Variants in GORASP1 observed in about 807,000 individuals in gnomAD.
GORASP1 encodes golgi reassembly stacking protein 1.
GORASP1 carries 31 observed loss-of-function variants against 37.7 expected under a neutral mutation model. The ratio of observed to expected loss-of-function variants is 0.82; its 90% CI spans 0.62 to 1.11. The LOEUF (loss-of-function observed/expected upper bound fraction) is 1.11, where lower values mean the gene tolerates loss of function less well. Ranked by LOEUF, GORASP1 falls within the 50% of genes least tolerant of loss-of-function variation. GORASP1 has a pLI of 0.00. For missense variants in GORASP1, 476 were observed against 560.7 expected (o/e 0.85, Z 1.53); for synonymous variants, 204 against 224.8 (o/e 0.91, Z 0.83).
chr3:39,101,894 TG>T (rs1193570870), intron 3 of GORASP1, among the ~76,000 whole-genome samples: 1 of 152,192 alleles, frequency 6.6e-6, no homozygotes, highest in African/African-American at 2.4e-5. Flanking sequence ...GCACAGGTGT[TG>T]GGTGTGCATG....
In GORASP1 at chr3:39,102,554, G is replaced by A. The variant is rs1019524578; in HGVS notation, c.348+124C>T. 4.4e-6 allele frequency: 4 copies of A among 918,016 alleles called. No homozygotes were observed. The African/African-American group carries it at 4.9e-5, about 11-fold the overall frequency. The allele number at this position is 918,016 out of a possible 1,614,324, so 56.9% of individuals were successfully genotyped here. ...CCACATCCTGCCCTCAGTCTTCCCTGGCCACTGCTCCAAGGCTCCCACTCC... is the reference window on the plus strand; with the variant it reads ...CCACATCCTGCCCTCAGTCTTCCCTAGCCACTGCTCCAAGGCTCCCACTCC... On this transcript the variant is annotated intron_variant, in intron 3 of 8. Transcript: ENST00000319283. This position sits in a 1 kb window ranked among gnomAD's most constrained non-coding sequence, Gnocchi z 5.0.
In GORASP1 at chr3:39,105,274, C is replaced by T. The variant is rs969247270; in HGVS notation, c.64-1721G>A. Among the ~76,000 whole-genome samples the T allele has an allele frequency of 6.6e-6, 1 of 152,066 alleles. No individual in the cohort carries two copies. Among genetic ancestry groups the T allele is most frequent in the African/African-American group, 2.4e-5 (1 of 41,416 alleles). On this transcript the variant is annotated intron_variant, in intron 1 of 8. Transcript: ENST00000319283. The surrounding 1 kb of genome is among the most constrained non-coding windows in gnomAD (Gnocchi z 5.4). ...ACCACTGCCTGCCATCCAGCTCCCT[C>T]AGGGGCTCCCATCACAGCCTGCCCC...
chr3:39,099,276 TG>T, intron 7 of GORASP1, 76 bp downstream of exon 7: 1 of 1,535,490 alleles, frequency 6.5e-7, no homozygotes, highest in Non-Finnish European at 9.0e-7. Flanking sequence ...CAGCAAGGCC[TG>T]GGGAAAGTTT....
Position 39,103,738 on chromosome 3 carries a change from T to C in GORASP1, c.64-185A>G. ...CTTGCTACCTTCCTGGGCACAAATT[T>C]TCCTCTTAGGAAAATGGCTCCTTCC... is the stretch of plus-strand genomic sequence containing the variant. On this transcript the variant is annotated intron_variant, in intron 1 of 8. Transcript: ENST00000319283. This position sits in a 1 kb window ranked among gnomAD's most constrained non-coding sequence, Gnocchi z 5.2. The C allele has an allele frequency of 4.0e-6, 2 of 493,832 alleles. No homozygotes were observed. The highest frequency in any genetic ancestry group is 7.1e-6 in the Non-Finnish European group (2 of 279,910). The allele number at this position is 493,832 out of a possible 1,614,324, so 30.6% of individuals were successfully genotyped here. A position where few individuals can be genotyped will look rare whatever the true frequency, so the allele number is the denominator to read the frequency against.
intron 1 of GORASP1, among the ~76,000 whole-genome samples, chr3:39,104,784 G>A (rs1205539975): frequency 6.6e-6 from 1 of 152,230 alleles, no homozygotes; most frequent in Non-Finnish European, 1.5e-5. Flanking sequence ...AAGGGAGTGA[G>A]TGCGGCCCAG....
At position 39,107,501 on chromosome 3, in the gene GORASP1, G is replaced by A; in HGVS notation, c.41C>T (p.Ala14Val). The change falls in exon 1 of 9, where the codon GCC becomes GTC. Residue 14 changes from alanine to valine, a missense_variant. Coordinates refer to ENST00000319283, the MANE Select transcript of GORASP1 (RefSeq NM_031899.4). ...CACCCCGTGGAGGTGGAAGCCCTCG[G>A]CGCCGCCTGCGGGCTGCTCAGCGCT... ...GVSAEQPAGG[A>V]EGFHLHGVQE... is the part of the protein sequence containing the mutation. 6.8e-7 allele frequency: 1 copy of A among 1,460,020 alleles called. No homozygotes were observed. Among genetic ancestry groups the A allele is most frequent in the Non-Finnish European group, 9.0e-7 (1 of 1,114,902 alleles). 90.4% of individuals were successfully genotyped at this position (1,460,020 alleles called of 1,614,324 possible).
In GORASP1 at chr3:39,104,127, A is replaced by ACCC. The variant is rs1226914582; in HGVS notation, c.64-577_64-575dup. Among the ~76,000 whole-genome samples the ACCC allele has an allele frequency of 4.6e-5, 7 of 152,094 alleles. No homozygotes were observed. The East Asian group carries it at 1.4e-3, about 29-fold the overall frequency. On this transcript the variant is annotated intron_variant, in intron 1 of 8. Coordinates refer to ENST00000319283, the MANE Select transcript of GORASP1 (RefSeq NM_031899.4). ...ATGAAAGCCACTGGCAGAGAAGCAG[A>ACCC]CCCCAGGGGTAGAACTAGGCCTGAG...
rs576564660 is a variant in GORASP1 at position 39,096,791 on chromosome 3, C to T, written c.*1445G>A. On this transcript the variant is annotated 3_prime_UTR_variant, in exon 9 of 9. Coordinates refer to ENST00000319283, the MANE Select transcript of GORASP1 (RefSeq NM_031899.4). ...TTAGCATTGATACCCATTTTATCCT[C>T]CAACTTATGGGGGAAGGGAAAGTAA... 27 of 152,308 alleles carry T rather than the reference C, an allele frequency of 1.8e-4. No homozygotes were observed. The highest frequency in any genetic ancestry group is 9.1e-4 in the Admixed American group (14 of 15,304). 9.4% of individuals were successfully genotyped at this position (152,308 alleles called of 1,614,324 possible). A position where few individuals can be genotyped will look rare whatever the true frequency, so the allele number is the denominator to read the frequency against.
At chr3:39,099,244 G>A (rs746023402) in intron 7 of GORASP1, 109 bp downstream of exon 7, 13 of 1,189,270 alleles carry the variant, frequency 1.1e-5, no homozygotes, top group Middle Eastern at 3.8e-4. Context: ...AAATATCTTG[G>A]TATACATGAG....
rs755548694 is a variant in GORASP1, at chr3:39,098,529, C to T, written c.1070-40G>A. ...ATCAGGCTGAGGAGGTCTGCAAGAA[C>T]CTAGGGCCATGGTGTTAGGGCCAGT... On this transcript the variant is annotated intron_variant, in intron 8 of 8. Transcript: ENST00000319283. This position sits in a 1 kb window ranked among gnomAD's most constrained non-coding sequence, Gnocchi z 4.7. 2 of 1,584,448 alleles carry T rather than the reference C, an allele frequency of 1.3e-6. No homozygotes were observed. The highest frequency in any genetic ancestry group is 1.2e-5 in the South Asian group (1 of 85,762).
At position 39,103,736 on chromosome 3, in the gene GORASP1, T is replaced by A; in HGVS notation, c.64-183A>T. 2.0e-6 allele frequency: 1 copy of A among 492,880 alleles called. No homozygotes were observed. The highest frequency in any genetic ancestry group is 3.6e-6 in the Non-Finnish European group (1 of 279,644). The allele number at this position is 492,880 out of a possible 1,614,324, so 30.5% of individuals were successfully genotyped here. On this transcript the variant is annotated intron_variant, in intron 1 of 8. Transcript: ENST00000319283. The surrounding 1 kb of genome is among the most constrained non-coding windows in gnomAD (Gnocchi z 5.2). ...CTCTTGCTACCTTCCTGGGCACAAA[T>A]TTTCCTCTTAGGAAAATGGCTCCTT...
chr3:39,102,592 AC>A lies in GORASP1; in HGVS notation c.348+85del, dbSNP rs1421831021. On this transcript the variant is annotated intron_variant, in intron 3 of 8. Coordinates refer to ENST00000319283, the MANE Select transcript of GORASP1 (RefSeq NM_031899.4). The surrounding 1 kb of genome is among the most constrained non-coding windows in gnomAD (Gnocchi z 5.0). ...AGGCTCCCACTCCACTCCTGCATGT[AC>A]CCCCTCACACCCCGCCCACACCCAG... 21 of 1,294,424 alleles carry A rather than the reference AC, an allele frequency of 1.6e-5. No individual in the cohort carries two copies. Among genetic ancestry groups the A allele is most frequent in the Admixed American group, 3.9e-5 (2 of 51,936 alleles). The allele number at this position is 1,294,424 out of a possible 1,614,324, so 80.2% of individuals were successfully genotyped here.
At chr3:39,099,546 G>A in intron 6 of GORASP1, 43 bp from the exon 7 acceptor site, 2 of 1,583,012 alleles carry the variant, frequency 1.3e-6, no homozygotes, top group Non-Finnish European at 8.6e-7. Context: ...TCAGGACAGT[G>A]CCTCAAGGTG....
chr3:39,099,465 G>A lies in GORASP1; in HGVS notation c.804C>T (p.Pro268=), dbSNP rs751673615. The A allele has an allele frequency of 6.2e-7, 1 of 1,611,364 alleles. No homozygotes were observed. Among genetic ancestry groups the A allele is most frequent in the Non-Finnish European group, 8.5e-7 (1 of 1,178,930 alleles). Residue 268 remains proline, a synonymous_variant, in exon 7 of 9, where the codon CCC becomes CCT. Transcript: ENST00000319283. ...LQAPGSSMED[P]LPGPGSPSHS... ...GGCTGGGACTCCCAGGCCCAGGAAGGGGATCCTCCATGGAGGAGCCAGGTG... is the reference window on the plus strand; with the variant it reads ...GGCTGGGACTCCCAGGCCCAGGAAGAGGATCCTCCATGGAGGAGCCAGGTG...
rs1454780660 is a variant in GORASP1, at chr3:39,107,552, C to G, written c.-11G>C. ...GACGCCCAGGCCCATGGCAGCGGCT[C>G]CGCTCGGCACCCAGGTCCAGTCCCG... is the stretch of plus-strand genomic sequence containing the variant. On this transcript the variant is annotated 5_prime_UTR_variant, in exon 1 of 9. Transcript: ENST00000319283. 1 of 1,488,870 alleles carries G rather than the reference C, an allele frequency of 6.7e-7. No individual in the cohort carries two copies. Among genetic ancestry groups the G allele is most frequent in the Non-Finnish European group, 8.8e-7 (1 of 1,130,026 alleles). 92.2% of individuals were successfully genotyped at this position (1,488,870 alleles called of 1,614,324 possible). A position where few individuals can be genotyped will look rare whatever the true frequency, so the allele number is the denominator to read the frequency against.
intron 1 of GORASP1, among the ~76,000 whole-genome samples, chr3:39,104,786 G>A (rs1006718713): frequency 6.6e-6 from 1 of 152,226 alleles, no homozygotes; most frequent in Non-Finnish European, 1.5e-5. Flanking sequence ...GGGAGTGAGT[G>A]CGGCCCAGAA....
intron 7 of GORASP1, 110 bp from the exon 8 acceptor site, chr3:39,099,003 TCTC>T (rs1173426708): frequency 1.5e-6 from 2 of 1,379,234 alleles, no homozygotes; most frequent in East Asian, 2.3e-5. Flanking sequence ...GAGACTGTAA[TCTC>T]CTCAGCCCCT....
intron 1 of GORASP1, among the ~76,000 whole-genome samples, chr3:39,106,409 G>A (rs1319485337): frequency 6.6e-6 from 1 of 152,126 alleles, no homozygotes; most frequent in Admixed American, 6.5e-5. Flanking sequence ...CTCCTGGCTG[G>A]ATGCATTCCA....
In GORASP1 at chr3:39,098,084, C is replaced by T; in HGVS notation, c.*152G>A. The T allele has an allele frequency of 1.1e-6, 1 of 878,496 alleles. No homozygotes were observed. 54.4% of individuals were successfully genotyped at this position (878,496 alleles called of 1,614,324 possible). ...GGGTACACGGCCAAAAGATATCCTC[C>T]CACAAGGCCCATGGCCCCCTCTCAC... On this transcript the variant is annotated 3_prime_UTR_variant, in exon 9 of 9. Coordinates refer to ENST00000319283, the MANE Select transcript of GORASP1 (RefSeq NM_031899.4). This position sits in a 1 kb window ranked among gnomAD's most constrained non-coding sequence, Gnocchi z 4.7.
Sources: allele counts gnomAD v4.1 joint callset (sites outside exome capture counted in the v4.1 genomes callset), GRCh38; gene constraint gnomAD v4.1.1; non-coding constraint Gnocchi (gnomAD v3.1); transcripts MANE v1.5; gene names NCBI Gene and HGNC (gene_info 2026-07-23, HGNC 2026-07-21).